KIAA0040: variants seen among roughly 807,000 people sequenced by gnomAD.
The protein encoded by KIAA0040 is uncharacterized protein KIAA0040.
A neutral mutation model predicts 7.2 loss-of-function variants in KIAA0040; 10 were observed. The observed-to-expected ratio is 1.38, with a 90% CI of 0.85 to 2.34. The LOEUF is 2.34. Ranked by LOEUF, KIAA0040 falls within the 30% of genes most tolerant of loss-of-function variation. The pLI is 0.00. For missense variants in KIAA0040, 89 were observed against 108.2 expected (o/e 0.82, Z 0.79); for synonymous variants, 49 against 40.1 (o/e 1.22, Z -0.84).
chr1:175,170,286 T>C (rs1423491821), intron 2 of KIAA0040, among the ~76,000 whole-genome samples: 1 of 152,174 alleles, frequency 6.6e-6, no homozygotes, highest in African/African-American at 2.4e-5. Flanking sequence ...CCTGTGGGTA[T>C]GGAAAGGCAC....
chr1:175,191,729 T>C (rs1333445045), intron 1 of KIAA0040, among the ~76,000 whole-genome samples: 1 of 152,212 alleles, frequency 6.6e-6, no homozygotes. Context: ...TAAAATTAGC[T>C]TCAGGTCCTT....
intron 3 of KIAA0040, 104 bp downstream of exon 3, chr1:175,166,458 A>G (rs933524963): frequency 6.6e-6 from 1 of 152,202 alleles, no homozygotes; most frequent in Admixed American, 6.5e-5. Flanking sequence ...TTTGGGAATA[A>G]TTGAATAAGC....
At chr1:175,190,867 T>C (rs79620725) in intron 1 of KIAA0040, among the ~76,000 whole-genome samples, 102 of 152,336 alleles carry the variant, frequency 6.7e-4, no homozygotes, top group African/African-American at 2.3e-3. Context: ...TCTAGCAGTG[T>C]AATTCCTATT....
intron 2 of KIAA0040, among the ~76,000 whole-genome samples, chr1:175,169,118 C>T (rs774901996): frequency 7.9e-5 from 12 of 152,254 alleles, no homozygotes; most frequent in Non-Finnish European, 1.5e-4. Context: ...TTTTCTGCTA[C>T]AGCAGTTAGC....
At chr1:175,177,440 TC>T (rs1480193166) in intron 2 of KIAA0040, among the ~76,000 whole-genome samples, 170 bp downstream of exon 2, 1 of 152,234 alleles carries the variant, frequency 6.6e-6, no homozygotes, top group Non-Finnish European at 1.5e-5. Context: ...GTAGGCAGAT[TC>T]TTCTCAAGAA....
intron 2 of KIAA0040, among the ~76,000 whole-genome samples, chr1:175,170,427 C>T (rs60259517): frequency 0.12 from 17,742 of 152,216 alleles, 1,395 homozygotes; most frequent in East Asian, 0.31. Context: ...GCGCAACCCT[C>T]GCTTGGCTGC....
rs377188627 is a variant in KIAA0040, at chr1:175,160,382, C to T, written c.*332G>A. 3.6e-6 allele frequency: 1 copy of T among 273,994 alleles called. No homozygotes were observed. The highest frequency in any genetic ancestry group is 2.2e-5 in the African/African-American group (1 of 45,568). The allele number at this position is 273,994 out of a possible 1,614,324, so 17.0% of individuals were successfully genotyped here. A position where few individuals can be genotyped will look rare whatever the true frequency, so the allele number is the denominator to read the frequency against. On this transcript the variant is annotated 3_prime_UTR_variant, in exon 4 of 4. Coordinates refer to ENST00000423313, the MANE Select transcript of KIAA0040 (RefSeq NM_014656.3). ...TGTGTGTGTGTGTTACGTGCATGTG[C>T]ACACACTTGGGAACCATATTGAGAT...
chr1:175,160,517 G>C lies in KIAA0040; in HGVS notation c.*197C>G. On this transcript the variant is annotated 3_prime_UTR_variant, in exon 4 of 4. Transcript: ENST00000423313. ...TTGCTATTGGACACATAGCTGCCAA[G>C]ACAGTATCCAAGAATTGTCCACGTG... The C allele has an allele frequency of 1.7e-6, 1 of 595,696 alleles. No individual in the cohort carries two copies. The highest frequency in any genetic ancestry group is 1.9e-5 in the African/African-American group (1 of 53,848). The allele number at this position is 595,696 out of a possible 1,614,324, so 36.9% of individuals were successfully genotyped here.
intron 1 of KIAA0040, among the ~76,000 whole-genome samples, chr1:175,187,637 C>A (rs1677713382): frequency 6.6e-6 from 1 of 152,162 alleles, no homozygotes; most frequent in Non-Finnish European, 1.5e-5. Flanking sequence ...TAAGTTAATA[C>A]ACAGCATATC....
chr1:175,180,946 G>A (rs1030472568), intron 1 of KIAA0040, among the ~76,000 whole-genome samples: 1 of 152,188 alleles, frequency 6.6e-6, no homozygotes. Flanking sequence ...TTGGGCGCAG[G>A]CAATCCTCCT....
intron 1 of KIAA0040, among the ~76,000 whole-genome samples, chr1:175,185,528 A>C (rs751940753): frequency 5.9e-5 from 9 of 152,252 alleles, no homozygotes; most frequent in Non-Finnish European, 8.8e-5. Context: ...GCATCAAATA[A>C]GAGACCAGAC....
chr1:175,168,412 G>A (rs547891752), intron 2 of KIAA0040, among the ~76,000 whole-genome samples: 1 of 152,076 alleles, frequency 6.6e-6, no homozygotes, highest in South Asian at 2.1e-4. Flanking sequence ...TATATATGAT[G>A]CATAACTAGA....
chr1:175,189,732 T>G (rs1349073059), intron 1 of KIAA0040, among the ~76,000 whole-genome samples: 1 of 152,198 alleles, frequency 6.6e-6, no homozygotes, highest in Non-Finnish European at 1.5e-5. Flanking sequence ...TTTTATAGAG[T>G]CTTACAATTT....
chr1:175,185,602 T>C (rs1677629367), intron 1 of KIAA0040, among the ~76,000 whole-genome samples: 3 of 152,208 alleles, frequency 2.0e-5, no homozygotes, highest in South Asian at 4.1e-4. Flanking sequence ...TTTATAAGTA[T>C]GTTGATAAAA....
intron 2 of KIAA0040, among the ~76,000 whole-genome samples, chr1:175,167,171 A>G (rs908486588): frequency 1.3e-5 from 2 of 152,238 alleles, no homozygotes; most frequent in African/African-American, 4.8e-5. Context: ...CTGAATGACA[A>G]AAACAGCAAA....
At chr1:175,174,509 C>T (rs373059430) in intron 2 of KIAA0040, among the ~76,000 whole-genome samples, 3 of 152,182 alleles carry the variant, frequency 2.0e-5, no homozygotes, top group Non-Finnish European at 4.4e-5. Context: ...GGTTATTACT[C>T]ATCCTGGATA....
intron 1 of KIAA0040, among the ~76,000 whole-genome samples, chr1:175,182,530 C>G (rs17303319): frequency 6.6e-6 from 1 of 152,216 alleles, no homozygotes; most frequent in East Asian, 1.9e-4. Context: ...TAGATCGGTC[C>G]GTGGTCAGAG....
At chr1:175,170,208 A>G in intron 2 of KIAA0040, among the ~76,000 whole-genome samples, 1 of 152,160 alleles carries the variant, frequency 6.6e-6, no homozygotes, top group Non-Finnish European at 1.5e-5. Flanking sequence ...GAGAGAGGGC[A>G]GCCAAGTGTG....
At chr1:175,181,485 G>A (rs548711251) in intron 1 of KIAA0040, among the ~76,000 whole-genome samples, 2 of 152,194 alleles carry the variant, frequency 1.3e-5, no homozygotes, top group African/African-American at 2.4e-5. Context: ...CTCTTCTAAC[G>A]CTTTCCCAGA....
Sources: gnomAD v4.1 joint callset for allele counts (sites outside exome capture counted in the v4.1 genomes callset) on GRCh38, gnomAD v4.1.1 for gene constraint, MANE v1.5 for transcripts, NCBI Gene and HGNC (gene_info 2026-07-23, HGNC 2026-07-21) for gene names.